Variants in PCDHA10 observed in about 807,000 individuals in gnomAD.
PCDHA10 encodes the protein protocadherin alpha-10.
Under a neutral mutation model 61.2 loss-of-function variants are expected in PCDHA10, and 45 were observed. That is an observed-to-expected ratio of 0.74 (90% CI 0.58 to 0.94). PCDHA10 has a LOEUF of 0.94. Among genes scored for constraint, PCDHA10 ranks in the 40% least tolerant of loss-of-function variants. PCDHA10 has a pLI of 0.00. For synonymous variants in PCDHA10, 602 were observed against 548.8 expected (o/e 1.10, Z -1.35); for missense variants, 1,278 against 1,236.2 (o/e 1.03, Z -0.51).
At chr5:140,952,352 A>G (rs2094730295) in intron 1 of PCDHA10, among the ~76,000 whole-genome samples, 1 of 103,372 alleles carries the variant, frequency 9.7e-6, no homozygotes, top group Non-Finnish European at 2.0e-5. Flanking sequence ...AAAAAAAAAA[A>G]AAGAAAGAAA....
chr5:140,940,643 T>A (rs2092660320), intron 1 of PCDHA10, among the ~76,000 whole-genome samples: 1 of 152,226 alleles, frequency 6.6e-6, no homozygotes, highest in Non-Finnish European at 1.5e-5. Flanking sequence ...TGTCATTTAT[T>A]TATTTAAATA....
intron 1 of PCDHA10, among the ~76,000 whole-genome samples, chr5:140,894,254 A>G (rs566555133): frequency 6.6e-6 from 1 of 152,128 alleles, no homozygotes; most frequent in Admixed American, 6.5e-5. Flanking sequence ...TCTTTTCTTT[A>G]CAAGTGGTAG....
At chr5:140,909,835 C>T (rs1554193946) in intron 1 of PCDHA10, among the ~76,000 whole-genome samples, 2 of 152,068 alleles carry the variant, frequency 1.3e-5, no homozygotes, top group Non-Finnish European at 2.9e-5. Context: ...AACTGGAGGA[C>T]CACCAGGACG....
At chr5:140,875,250 C>A in intron 1 of PCDHA10, 1 of 1,016,106 alleles carries the variant, frequency 9.8e-7, no homozygotes, top group Non-Finnish European at 1.4e-6. Context: ...CATAATCAGT[C>A]ACATGATGTC....
chr5:140,975,516 G>T (rs1310855349), intron 1 of PCDHA10, among the ~76,000 whole-genome samples: 1 of 152,166 alleles, frequency 6.6e-6, no homozygotes, highest in Non-Finnish European at 1.5e-5. Flanking sequence ...TGCAAAATCT[G>T]CAGTGGATAT....
rs975637071 is a variant in PCDHA10 at position 141,011,970 on chromosome 5, C to A, written c.*2033C>A. On this transcript the variant is annotated 3_prime_UTR_variant, in exon 4 of 4. Transcript: ENST00000307360. ...AGCATTAAATTTAAAAAAAAACTGTCTTGTCTACTTTTAGCTTCATTCTCC... is the reference window on the plus strand; with the variant it reads ...AGCATTAAATTTAAAAAAAAACTGTATTGTCTACTTTTAGCTTCATTCTCC... 6.5e-6 allele frequency: 1 copy of A among 153,576 alleles called. No individual in the cohort carries two copies. The highest frequency in any genetic ancestry group is 6.6e-5 in the Admixed American group (1 of 15,252). The allele number at this position is 153,576 out of a possible 1,614,324, so 9.5% of individuals were successfully genotyped here. A position where few individuals can be genotyped will look rare whatever the true frequency, so the allele number is the denominator to read the frequency against.
At chr5:140,883,141 T>C (rs975281074) in intron 1 of PCDHA10, 5 of 1,614,092 alleles carry the variant, frequency 3.1e-6, no homozygotes, top group Non-Finnish European at 4.2e-6. Flanking sequence ...CAGTGGTATA[T>C]GCATTTACCA....
intron 1 of PCDHA10, among the ~76,000 whole-genome samples, chr5:140,953,492 G>T (rs542677103): frequency 6.6e-6 from 1 of 152,188 alleles, no homozygotes; most frequent in East Asian, 1.9e-4. Context: ...TCACAACCTT[G>T]ATCAGCTATT....
intron 3 of PCDHA10, among the ~76,000 whole-genome samples, chr5:140,987,234 A>G (rs2097240958): frequency 6.6e-6 from 1 of 151,980 alleles, no homozygotes; most frequent in Non-Finnish European, 1.5e-5. Context: ...AAAATAATAA[A>G]TAAAGAAAGA....
chr5:140,947,570 TG>T (rs2094146227), intron 1 of PCDHA10, among the ~76,000 whole-genome samples: 1 of 151,820 alleles, frequency 6.6e-6, no homozygotes, highest in African/African-American at 2.4e-5. Flanking sequence ...ATATTGGGAA[TG>T]TTTTTAACAT....
intron 1 of PCDHA10, chr5:140,858,898 G>A (rs1260279768): frequency 4.9e-6 from 1 of 204,806 alleles, no homozygotes; most frequent in East Asian, 1.4e-4. Context: ...AATATGTGTA[G>A]CGTACCACAG....
intron 1 of PCDHA10, among the ~76,000 whole-genome samples, chr5:140,904,463 AT>A (rs2071154368): frequency 6.6e-6 from 1 of 151,520 alleles, no homozygotes; most frequent in Non-Finnish European, 1.5e-5. Flanking sequence ...ACACTTGTTG[AT>A]TGGTGGCTAT....
intron 1 of PCDHA10, among the ~76,000 whole-genome samples, chr5:140,873,335 T>C (rs192894155): frequency 6.6e-6 from 1 of 152,358 alleles, no homozygotes; most frequent in African/African-American, 2.4e-5. Flanking sequence ...CATACATTAC[T>C]CATCTCCAGA....
At chr5:140,925,114 G>T (rs1341892158) in intron 1 of PCDHA10, among the ~76,000 whole-genome samples, 2 of 151,122 alleles carry the variant, frequency 1.3e-5, no homozygotes, top group East Asian at 3.9e-4. Context: ...AGGAGGGAAG[G>T]AAGGAAGGAA....
Position 140,857,302 on chromosome 5 carries a change from G to T in PCDHA10, c.1254G>T (p.Ser418=). 1 of 1,598,652 alleles carries T rather than the reference G, an allele frequency of 6.3e-7. No individual in the cohort carries two copies. The highest frequency in any genetic ancestry group is 8.6e-7 in the Non-Finnish European group (1 of 1,168,014). The change falls in exon 1 of 4, where the codon TCG becomes TCT. Residue 418 remains serine (S), a synonymous_variant. Transcript: ENST00000307360. ...LDSALDRERV[S]AYELVVTARD... is the part of the protein sequence containing the mutation. ...GCGCTCTGGACCGCGAGAGGGTGTC[G>T]GCCTATGAGCTGGTGGTGACCGCGC...
chr5:140,942,902 A>G (rs956281163), intron 1 of PCDHA10, among the ~76,000 whole-genome samples: 7 of 152,112 alleles, frequency 4.6e-5, no homozygotes, highest in Admixed American at 1.3e-4. Context: ...ATCTCTAAGA[A>G]TAAGCGTGAA....
At position 140,858,590 on chromosome 5, in the gene PCDHA10, C is replaced by T. The variant is rs781927983; in HGVS notation, c.2388+154C>T. 16 of 1,324,580 alleles carry T rather than the reference C, an allele frequency of 1.2e-5. No homozygotes were observed. In the South Asian group the frequency reaches 2.3e-4, roughly 19 times the overall value. The allele number at this position is 1,324,580 out of a possible 1,614,324, so 82.1% of individuals were successfully genotyped here. A position where few individuals can be genotyped will look rare whatever the true frequency, so the allele number is the denominator to read the frequency against. ...TGATACCTTTGTAATATAATTTATTCCAGGAGTTTTAAAATTTTTTTATCC... is the reference window on the plus strand; with the variant it reads ...TGATACCTTTGTAATATAATTTATTTCAGGAGTTTTAAAATTTTTTTATCC... On this transcript the variant is annotated intron_variant, in intron 1 of 3. Transcript: ENST00000307360.
intron 1 of PCDHA10, chr5:140,969,129 C>T: frequency 6.2e-7 from 1 of 1,614,144 alleles, no homozygotes; most frequent in Non-Finnish European, 8.5e-7. Context: ...GGCTCCCTCA[C>T]CAAGACCTAC....
Position 140,883,537 on chromosome 5 carries a change from G to A in PCDHA10, c.2388+25101G>A, listed in dbSNP as rs782001309. 3 of 1,614,238 alleles carry A rather than the reference G, an allele frequency of 1.9e-6. No individual in the cohort carries two copies. The African/African-American group carries it at 4.0e-5, about 22-fold the overall frequency. On this transcript the variant is annotated intron_variant, in intron 1 of 3. Transcript: ENST00000307360. ...GCGAGAGCGTATCAGCCTATGAACT[G>A]GTGGTGACCGCGCGGGACGGGGGCT...
Sources: allele counts gnomAD v4.1 joint callset (sites outside exome capture counted in the v4.1 genomes callset), GRCh38; gene constraint gnomAD v4.1.1; transcripts MANE v1.5; gene names NCBI Gene and HGNC (gene_info 2026-07-23, HGNC 2026-07-21).